The following CLCN1 variants were observed in gnomAD, a reference collection of about 807,000 sequenced individuals.
CLCN1 encodes chloride channel protein 1.
CLCN1 carries 100 observed loss-of-function variants against 114.5 expected under a neutral mutation model. That is an observed-to-expected ratio of 0.87 (90% CI 0.74 to 1.03). The LOEUF (loss-of-function observed/expected upper bound fraction) is 1.03, where lower values mean the gene tolerates loss of function less well. CLCN1 is among the 50% of genes least tolerant of loss of function. The pLI is 0.00. For synonymous variants in CLCN1, 485 were observed against 487.1 expected (o/e 1.00, Z 0.06); for missense variants, 1,188 against 1,250.0 (o/e 0.95, Z 0.75).
chr7:143,326,782 A>G (rs1802585737), intron 7 of CLCN1, among the ~76,000 whole-genome samples: 1 of 152,184 alleles, frequency 6.6e-6, no homozygotes, highest in Admixed American at 6.5e-5. Context: ...GGACAAGTAA[A>G]GGGGGGCTGA....
At chr7:143,338,822 C>G (rs1228375693) in intron 12 of CLCN1, among the ~76,000 whole-genome samples, 1 of 144,994 alleles carries the variant, frequency 6.9e-6, no homozygotes, top group African/African-American at 2.7e-5. Context: ...AAAAAAAAAA[C>G]CGGAGCGCCT....
Position 143,324,528 on chromosome 7 carries a change from GC to G in CLCN1, c.853+38del. The G allele has an allele frequency of 6.6e-7, 1 of 1,514,572 alleles. No homozygotes were observed. The highest frequency in any genetic ancestry group is 9.2e-7 in the Non-Finnish European group (1 of 1,089,548). 93.8% of individuals were successfully genotyped at this position (1,514,572 alleles called of 1,614,324 possible). A position where few individuals can be genotyped will look rare whatever the true frequency, so the allele number is the denominator to read the frequency against. On this transcript the variant is annotated intron_variant, in intron 7 of 22. Coordinates refer to ENST00000343257, the MANE Select transcript of CLCN1 (RefSeq NM_000083.3). The surrounding 1 kb of genome is among the most constrained non-coding windows in gnomAD (Gnocchi z 4.6). ...GACCCCCTCCCCCATCAATCGGCTT[GC>G]CTGGCCTGGCTCCCAAAACAGTTTT... is the stretch of plus-strand genomic sequence containing the variant.
intron 5 of CLCN1, among the ~76,000 whole-genome samples, chr7:143,322,884 G>T (rs909678856): frequency 6.6e-6 from 1 of 152,232 alleles, no homozygotes; most frequent in Admixed American, 6.5e-5. Flanking sequence ...CTGCAGGCCT[G>T]TGCCCCTGCT....
Position 143,351,731 on chromosome 7 carries a change from G to A in CLCN1, c.2733G>A (p.Glu911=). ...PSSAENWNLP[E]DRPGATGTGD... Reference sequence around the variant, plus strand: ...CTGCAGAGAACTGGAACCTGCCTGAGGACAGGCCTGGGGCCACTGGAACAG... The same window carrying A: ...CTGCAGAGAACTGGAACCTGCCTGAAGACAGGCCTGGGGCCACTGGAACAG... The change falls in exon 23 of 23, where the codon GAG becomes GAA. Residue 911 remains glutamate (E), a synonymous_variant. Coordinates refer to ENST00000343257, the MANE Select transcript of CLCN1 (RefSeq NM_000083.3). 1.9e-6 allele frequency: 3 copies of A among 1,614,170 alleles called. 1 individual carries two copies. Among genetic ancestry groups the A allele is most frequent in the Middle Eastern group, 3.3e-4 (2 of 6,062 alleles).
chr7:143,345,476 G>C, intron 16 of CLCN1, 45 bp from the exon 17 acceptor site: 3 of 1,492,210 alleles, frequency 2.0e-6, no homozygotes, highest in East Asian at 5.0e-5. Context: ...GGTGGTGCGA[G>C]AGGGCTTGGA....
intron 7 of CLCN1, among the ~76,000 whole-genome samples, chr7:143,326,449 T>C (rs1802577961): frequency 6.6e-6 from 1 of 152,184 alleles, no homozygotes; most frequent in Non-Finnish European, 1.5e-5. Context: ...GGCCCTGTGT[T>C]GGATCTTGCA....
At position 143,339,271 on chromosome 7, in the gene CLCN1, G is replaced by A. The variant is rs1325971229; in HGVS notation, c.1420G>A (p.Ala474Thr). ...ACTCCAGTTCTGGATGTCCATCGTG[G>A]CCACCACTATGCCCATACCCTGCGG... The part of the protein sequence containing the change: ...FVMKFWMSIV[A>T]TTMPIPCGGF... The change falls in exon 13 of 23, where the codon GCC becomes ACC. Residue 474 changes from alanine to threonine, a missense_variant. Ala to Thr is a moderately conservative substitution (Grantham distance 58, BLOSUM62 0). Coordinates refer to ENST00000343257, the MANE Select transcript of CLCN1 (RefSeq NM_000083.3). The surrounding 1 kb of genome is among the most constrained non-coding windows in gnomAD (Gnocchi z 4.1). The A allele has an allele frequency of 6.2e-7, 1 of 1,612,342 alleles. No individual in the cohort carries two copies. The highest frequency in any genetic ancestry group is 8.5e-7 in the Non-Finnish European group (1 of 1,178,328).
intron 1 of CLCN1, among the ~76,000 whole-genome samples, chr7:143,317,673 G>T (rs1224987887): frequency 1.3e-5 from 2 of 151,930 alleles, no homozygotes; most frequent in African/African-American, 2.4e-5. Flanking sequence ...AGCACTGGGG[G>T]TCAAAAGGAT....
Position 143,346,911 on chromosome 7 carries a change from G to C in CLCN1, c.2365G>C (p.Asp789His). 1 of 1,613,702 alleles carries C rather than the reference G, an allele frequency of 6.2e-7. No homozygotes were observed. Among genetic ancestry groups the C allele is most frequent in the Non-Finnish European group, 8.5e-7 (1 of 1,179,584 alleles). The change falls in exon 20 of 23, where the codon GAT becomes CAT. Residue 789 changes from aspartate (D) to histidine (H), a missense_variant and splice_region_variant. Asp to His is a moderately conservative substitution (Grantham distance 81). Coordinates refer to ENST00000343257, the MANE Select transcript of CLCN1 (RefSeq NM_000083.3). ...ARPTKKKTTQ[D>H]STDLVDNMSP... ...TTGGACCTATGTCTTTCTTCTCTAG[G>C]ATTCCACAGATTTAGTGGATAACAT...
chr7:143,316,111 A>AGAC lies in CLCN1; in HGVS notation c.-100_-98dup, dbSNP rs1802281864. 2.2e-6 allele frequency: 2 copies of AGAC among 926,300 alleles called. No homozygotes were observed. Among genetic ancestry groups the AGAC allele is most frequent in the African/African-American group, 3.2e-5 (2 of 62,174 alleles). 57.4% of individuals were successfully genotyped at this position (926,300 alleles called of 1,614,324 possible). A position where few individuals can be genotyped will look rare whatever the true frequency, so the allele number is the denominator to read the frequency against. Reference sequence around the variant, plus strand: ...TAGCTGGAGGTGGGCATGCTGCCCCAGACGCCTTGGGGACAGCAAGAGCAG... The same window carrying AGAC: ...TAGCTGGAGGTGGGCATGCTGCCCCAGACGACGCCTTGGGGACAGCAAGAGCAG... On this transcript the variant is annotated 5_prime_UTR_variant, in exon 1 of 23. Coordinates refer to ENST00000343257, the MANE Select transcript of CLCN1 (RefSeq NM_000083.3).
intron 10 of CLCN1, 125 bp downstream of exon 10, chr7:143,331,777 C>T (rs938862802): frequency 1.4e-6 from 1 of 731,064 alleles, no homozygotes; most frequent in Admixed American, 2.0e-5. Context: ...TATAAGGAAG[C>T]TCTGATATTG....
chr7:143,339,198 T>G lies in CLCN1; in HGVS notation c.1402-55T>G. ...AGGATAGTGGGAAGGGAATTGTGTG[T>G]GCATGTCTATTGGGCAGAGTTGAAA... On this transcript the variant is annotated intron_variant, in intron 12 of 22. Coordinates refer to ENST00000343257, the MANE Select transcript of CLCN1 (RefSeq NM_000083.3). The surrounding 1 kb of genome is among the most constrained non-coding windows in gnomAD (Gnocchi z 4.1). 2 of 1,099,204 alleles carry G rather than the reference T, an allele frequency of 1.8e-6. No homozygotes were observed. Among genetic ancestry groups the G allele is most frequent in the Non-Finnish European group, 2.8e-6 (2 of 710,016 alleles). 68.1% of individuals were successfully genotyped at this position (1,099,204 alleles called of 1,614,324 possible).
rs1802436275 is a variant in CLCN1, at chr7:143,321,599, C to T, written c.562+106C>T. ...CCCACAGCCCTGTGCTGCCTTGCCC[C>T]ATCCTCCCCACCACTGCCTCTTCAG... On this transcript the variant is annotated intron_variant, in intron 4 of 22. Coordinates refer to ENST00000343257, the MANE Select transcript of CLCN1 (RefSeq NM_000083.3). The surrounding 1 kb of genome is among the most constrained non-coding windows in gnomAD (Gnocchi z 4.2). 6.2e-7 allele frequency: 1 copy of T among 1,604,430 alleles called. No individual in the cohort carries two copies. Among genetic ancestry groups the T allele is most frequent in the Non-Finnish European group, 8.5e-7 (1 of 1,172,154 alleles).
chr7:143,329,341 T>A (rs1221765110), intron 7 of CLCN1, among the ~76,000 whole-genome samples: 2 of 152,172 alleles, frequency 1.3e-5, no homozygotes, highest in Non-Finnish European at 2.9e-5. Context: ...AGTGCTATAA[T>A]AACCCAAAAT....
In CLCN1 at chr7:143,321,978, T is replaced by A; in HGVS notation, c.696+130T>A. ...GACCAAGGCCAGGGCCAGGGGACAC[T>A]AGGAAGGGGAAATGCTTTGGAAGTT... On this transcript the variant is annotated intron_variant, in intron 5 of 22. Transcript: ENST00000343257. This position sits in a 1 kb window ranked among gnomAD's most constrained non-coding sequence, Gnocchi z 4.2. The A allele has an allele frequency of 9.8e-7, 1 of 1,025,402 alleles. No individual in the cohort carries two copies. The highest frequency in any genetic ancestry group is 1.4e-6 in the Non-Finnish European group (1 of 712,188). The allele number at this position is 1,025,402 out of a possible 1,614,324, so 63.5% of individuals were successfully genotyped here.
intron 14 of CLCN1, among the ~76,000 whole-genome samples, chr7:143,340,416 A>G (rs56754574): frequency 0.082 from 12,513 of 152,184 alleles, 1,762 homozygotes; most frequent in African/African-American, 0.28. Context: ...GTTCTGAAGT[A>G]TGTTATATGC....
At chr7:143,320,553 T>TTCTCTCTCTCTCTCTCTC (rs59572880) in intron 2 of CLCN1, 111 bp from the exon 3 acceptor site, 76 of 674,320 alleles carry the variant, frequency 1.1e-4, no homozygotes, top group African/African-American at 1.2e-4. Context: ...TTAGCTGCTT[T>TTCTCTCTCTCTCTCTCTC]TCTCTCTCTC....
At position 143,339,399 on chromosome 7, in the gene CLCN1, G is replaced by A; in HGVS notation, c.1471+77G>A. On this transcript the variant is annotated intron_variant, in intron 13 of 22. Coordinates refer to ENST00000343257, the MANE Select transcript of CLCN1 (RefSeq NM_000083.3). The surrounding 1 kb of genome is among the most constrained non-coding windows in gnomAD (Gnocchi z 4.1). Reference sequence around the variant, plus strand: ...ACAGGAAACATAAGGAAAGGCCCGGGATGCTGGGAGTTTATATTTGTTCTT... The same window carrying A: ...ACAGGAAACATAAGGAAAGGCCCGGAATGCTGGGAGTTTATATTTGTTCTT... The A allele has an allele frequency of 7.2e-7, 1 of 1,381,522 alleles. No homozygotes were observed. The highest frequency in any genetic ancestry group is 1.0e-6 in the Non-Finnish European group (1 of 968,096). The allele number at this position is 1,381,522 out of a possible 1,614,324, so 85.6% of individuals were successfully genotyped here.
At position 143,321,348 on chromosome 7, in the gene CLCN1, G is replaced by C. The variant is rs761045271; in HGVS notation, c.434-17G>C. 5.0e-6 allele frequency: 8 copies of C among 1,613,960 alleles called. No individual in the cohort carries two copies. Among genetic ancestry groups the C allele is most frequent in the Admixed American group, 1.7e-5 (1 of 59,968 alleles). ...CTCAGCCATGTTCTGCCTAACCCCA[G>C]GCATGTGTCTCCGCAGCCTACAAGT... On this transcript the variant is annotated splice_polypyrimidine_tract_variant and intron_variant, in intron 3 of 22. Coordinates refer to ENST00000343257, the MANE Select transcript of CLCN1 (RefSeq NM_000083.3). This position sits in a 1 kb window ranked among gnomAD's most constrained non-coding sequence, Gnocchi z 4.2.
Sources: gnomAD v4.1 joint callset for allele counts (sites outside exome capture counted in the v4.1 genomes callset) on GRCh38, gnomAD v4.1.1 for gene constraint, Gnocchi (gnomAD v3.1) non-coding constraint, MANE v1.5 for transcripts, NCBI Gene and HGNC (gene_info 2026-07-23, HGNC 2026-07-21) for gene names.